The following TRMT6 variants were observed in gnomAD, a reference collection of about 807,000 sequenced individuals.
TRMT6 encodes the protein tRNA methyltransferase 6 non-catalytic subunit, also known as tRNA (adenine(58)-N(1))-methyltransferase non-catalytic subunit TRM6.
A neutral mutation model predicts 59.0 loss-of-function variants in TRMT6; 34 were observed. The ratio of observed to expected loss-of-function variants is 0.58; its 90% CI spans 0.44 to 0.77. The LOEUF (loss-of-function observed/expected upper bound fraction) is 0.77. TRMT6 is among the 30% of genes least tolerant of loss of function. The probability of loss-of-function intolerance (pLI) is 0.00; values close to 1 mark genes in which losing one functional copy is unlikely to be tolerated. For synonymous variants in TRMT6, 217 were observed against 210.5 expected (o/e 1.03, Z -0.27); for missense variants, 575 against 604.5 (o/e 0.95, Z 0.51).
Position 5,942,621 on chromosome 20 carries a change from T to A in TRMT6, c.833A>T (p.Glu278Val). Residue 278 changes from glutamate to valine, a missense_variant, in exon 7 of 11, where the codon GAG becomes GTG. Transcript: ENST00000203001. ...GTFSAKMLSS[E>V]PKDSALVEES... is the part of the protein sequence containing the mutation. ...TTCAACCAAAGCACTGTCTTTTGGC[T>A]CTGAAGATAACATCTTGGCAGAAAA... 1 of 1,614,196 alleles carries A rather than the reference T, an allele frequency of 6.2e-7. No individual in the cohort carries two copies. The highest frequency in any genetic ancestry group is 2.2e-5 in the East Asian group (1 of 44,890).
Position 5,937,790 on chromosome 20 carries a change from A to C in TRMT6, c.*745T>G, listed in dbSNP as rs566714709. The C allele has an allele frequency of 6.6e-6, 1 of 152,356 alleles. No homozygotes were observed. The highest frequency in any genetic ancestry group is 1.9e-4 in the East Asian group (1 of 5,192). 9.4% of individuals were successfully genotyped at this position (152,356 alleles called of 1,614,324 possible). A position where few individuals can be genotyped will look rare whatever the true frequency, so the allele number is the denominator to read the frequency against. On this transcript the variant is annotated 3_prime_UTR_variant, in exon 11 of 11. Transcript: ENST00000203001. ...TGTATATATACCAACATCTATATAC[A>C]TATGTGTGTGTGTGCAAATGTGTAT...
chr20:5,949,331 A>G (rs2088748945), intron 1 of TRMT6, among the ~76,000 whole-genome samples: 1 of 152,242 alleles, frequency 6.6e-6, no homozygotes, highest in Non-Finnish European at 1.5e-5. Flanking sequence ...ACTGCCCTAA[A>G]GCCTGGGTGA....
intron 2 of TRMT6, among the ~76,000 whole-genome samples, chr20:5,945,897 G>A (rs143028769): frequency 5.3e-4 from 81 of 152,268 alleles, no homozygotes; most frequent in African/African-American, 1.8e-3. Context: ...CTTCCTATGA[G>A]TCATATCATA....
chr20:5,938,827 T>G, intron 10 of TRMT6, 101 bp from the exon 11 acceptor site: 3 of 1,057,706 alleles, frequency 2.8e-6, no homozygotes, highest in South Asian at 2.0e-5. Flanking sequence ...ACAGGTTCTC[T>G]TGATGATTTA....
At chr20:5,949,104 G>C (rs1377537350) in intron 1 of TRMT6, among the ~76,000 whole-genome samples, 1 of 151,838 alleles carries the variant, frequency 6.6e-6, no homozygotes, top group Non-Finnish European at 1.5e-5. Context: ...TGTAATCCCA[G>C]CACTTTGGGA....
At position 5,937,926 on chromosome 20, in the gene TRMT6, C is replaced by T. The variant is rs2088621541; in HGVS notation, c.*609G>A. 6.6e-6 allele frequency: 1 copy of T among 151,932 alleles called. No homozygotes were observed. Among genetic ancestry groups the T allele is most frequent in the Admixed American group, 6.5e-5 (1 of 15,272 alleles). The allele number at this position is 151,932 out of a possible 1,614,324, so 9.4% of individuals were successfully genotyped here. A position where few individuals can be genotyped will look rare whatever the true frequency, so the allele number is the denominator to read the frequency against. ...GAATAAGAGTATTGGCAAATTAATGCAAAAAAGTACCCTACTAAACCTTTC... is the reference window on the plus strand; with the variant it reads ...GAATAAGAGTATTGGCAAATTAATGTAAAAAAGTACCCTACTAAACCTTTC... On this transcript the variant is annotated 3_prime_UTR_variant, in exon 11 of 11. Transcript: ENST00000203001.
chr20:5,941,597 T>A (rs2073132), intron 8 of TRMT6: 72,688 of 544,738 alleles, frequency 0.13, 7,027 homozygotes, highest in East Asian at 0.31. Flanking sequence ...CTTGATTTTT[T>A]AAAAAAAATC....
chr20:5,940,312 C>T (rs949717018), intron 10 of TRMT6, among the ~76,000 whole-genome samples: 2 of 152,196 alleles, frequency 1.3e-5, no homozygotes, highest in Non-Finnish European at 2.9e-5. Context: ...TGAACTGACA[C>T]AGAGCCCACC....
intron 1 of TRMT6, among the ~76,000 whole-genome samples, chr20:5,947,470 C>T (rs2088717929): frequency 6.6e-6 from 1 of 152,234 alleles, no homozygotes; most frequent in African/African-American, 2.4e-5. Flanking sequence ...GGCTTACCAC[C>T]ATTGCTGGTC....
chr20:5,944,917 A>C lies in TRMT6; in HGVS notation c.257-3T>G. On this transcript the variant is annotated splice_polypyrimidine_tract_variant and splice_region_variant and intron_variant, in intron 2 of 10. Transcript: ENST00000203001. ...ATCAGTGCCCGCTTCTTTAGTCTCT[A>C]AGGAAAGAAATTGCTCTATTGACAT... 3 of 1,604,420 alleles carry C rather than the reference A, an allele frequency of 1.9e-6. No individual in the cohort carries two copies. In the South Asian group the frequency reaches 3.3e-5, roughly 18 times the overall value.
chr20:5,949,927 A>AG (rs5840113), intron 1 of TRMT6, among the ~76,000 whole-genome samples: 33,777 of 151,938 alleles, frequency 0.22, 5,631 homozygotes, highest in African/African-American at 0.46. Context: ...ACAGGTGATT[A>AG]GGGTGTGGAG....
chr20:5,946,627 C>A (rs903398554), intron 1 of TRMT6, 94 bp from the exon 2 acceptor site: 1 of 1,174,422 alleles, frequency 8.5e-7, no homozygotes, highest in Non-Finnish European at 1.2e-6. Flanking sequence ...GTGGTCTCCA[C>A]AATGGATGAT....
intron 10 of TRMT6, among the ~76,000 whole-genome samples, chr20:5,938,936 C>A (rs900429306): frequency 5.2e-5 from 7 of 134,572 alleles, no homozygotes; most frequent in Admixed American, 1.7e-4. Context: ...TCCTTCCTTT[C>A]TCTCTCTCTC....
chr20:5,948,614 C>T (rs1057504047), intron 1 of TRMT6, among the ~76,000 whole-genome samples: 5 of 151,226 alleles, frequency 3.3e-5, no homozygotes, highest in Non-Finnish European at 5.9e-5. Context: ...CTGAGGTGGC[C>T]GGAATTACTT....
intron 7 of TRMT6, 42 bp downstream of exon 7, chr20:5,942,386 G>T (rs371387078): frequency 6.5e-7 from 1 of 1,531,406 alleles, no homozygotes; most frequent in Non-Finnish European, 9.0e-7. Flanking sequence ...TTAACTGAGG[G>T]ACTGAGATTA....
At chr20:5,940,548 G>A (rs1382602106) in intron 10 of TRMT6, among the ~76,000 whole-genome samples, 1 of 152,168 alleles carries the variant, frequency 6.6e-6, no homozygotes, top group East Asian at 1.9e-4. Context: ...AAAAAGTCAG[G>A]GGCATATTCT....
chr20:5,939,616 T>G (rs1265307007), intron 10 of TRMT6, among the ~76,000 whole-genome samples: 1 of 152,108 alleles, frequency 6.6e-6, no homozygotes, highest in African/African-American at 2.4e-5. Context: ...GAACTGTGCA[T>G]ATAGCTTTCT....
intron 10 of TRMT6, among the ~76,000 whole-genome samples, chr20:5,940,295 G>C (rs915610001): frequency 6.6e-6 from 1 of 152,138 alleles, no homozygotes; most frequent in African/African-American, 2.4e-5. Context: ...ATGTCTTCCA[G>C]AAGACCTGAA....
intron 5 of TRMT6, 124 bp from the exon 6 acceptor site, chr20:5,943,807 G>T: frequency 6.6e-7 from 1 of 1,525,724 alleles, no homozygotes; most frequent in East Asian, 2.3e-5. Flanking sequence ...TGCTTTGGAG[G>T]TGACAGTAAA....
Sources: gnomAD v4.1 joint callset for allele counts (sites outside exome capture counted in the v4.1 genomes callset) on GRCh38, gnomAD v4.1.1 for gene constraint, MANE v1.5 for transcripts, NCBI Gene and HGNC (gene_info 2026-07-23, HGNC 2026-07-21) for gene names.